Variants in AFDN observed in about 807,000 individuals in gnomAD.
The protein encoded by AFDN is afadin.
AFDN carries 68 observed loss-of-function variants against 216.6 expected under a neutral mutation model. That is an observed-to-expected ratio of 0.31 (90% confidence interval 0.26 to 0.38). The LOEUF (loss-of-function observed/expected upper bound fraction) is 0.38, where lower values mean the gene tolerates loss of function less well. Among genes scored for constraint, AFDN ranks in the 10% least tolerant of loss-of-function variants. The pLI is 1.00. For synonymous variants in AFDN, 868 were observed against 853.7 expected (o/e 1.02, Z -0.29); for missense variants, 2,136 against 2,342.0 (o/e 0.91, Z 1.82).
At chr6:167,939,785 G>GGGTGCTGTGTCTTAGAAGTATTTTT (rs1794462205) in intron 23 of AFDN, among the ~76,000 whole-genome samples, 1 of 152,182 alleles carries the variant, frequency 6.6e-6, no homozygotes, top group Non-Finnish European at 1.5e-5. Context: ...GCGGTGAGGA[G>GGGTGCTGTGTCTTAGAAGTATTTTT]GGTGCTGTGT....
chr6:167,892,159 TAGC>T (rs1787693098), intron 8 of AFDN, among the ~76,000 whole-genome samples: 1 of 152,204 alleles, frequency 6.6e-6, no homozygotes, highest in African/African-American at 2.4e-5. Context: ...CTTTAGGTAG[TAGC>T]TTTTATACCT....
At chr6:167,851,927 A>G (rs1562552466) in intron 1 of AFDN, among the ~76,000 whole-genome samples, 1 of 152,234 alleles carries the variant, frequency 6.6e-6, no homozygotes, top group Non-Finnish European at 1.5e-5. Flanking sequence ...TGGTAATTAT[A>G]ACTGAATTAT....
chr6:167,850,780 CATTTT>C (rs1782205611), intron 1 of AFDN, among the ~76,000 whole-genome samples: 1 of 152,150 alleles, frequency 6.6e-6, no homozygotes, highest in Non-Finnish European at 1.5e-5. Context: ...GACACCAAAA[CATTTT>C]ATAATTTTGT....
At chr6:167,889,349 A>G in intron 7 of AFDN, 23 bp downstream of exon 7, 2 of 1,493,794 alleles carry the variant, frequency 1.3e-6, no homozygotes, top group Non-Finnish European at 9.3e-7. Flanking sequence ...TTAAAGGATT[A>G]CTTACACCAG....
chr6:167,902,222 T>G, intron 11 of AFDN, 95 bp from the exon 12 acceptor site: 3 of 879,038 alleles, frequency 3.4e-6, no homozygotes, highest in Non-Finnish European at 5.4e-6. Context: ...ATCTTTGACA[T>G]TTGGTATTTT....
At chr6:167,954,670 C>T (rs1256664212) in intron 30 of AFDN, among the ~76,000 whole-genome samples, 1 of 152,100 alleles carries the variant, frequency 6.6e-6, no homozygotes. Flanking sequence ...GATTTAGTTA[C>T]TCTTTGCTTT....
chr6:167,915,313 G>A lies in AFDN; in HGVS notation c.2445G>A (p.Ser815=), dbSNP rs767533008. 10 of 1,614,102 alleles carry A rather than the reference G, an allele frequency of 6.2e-6. No homozygotes were observed. In the Admixed American group the frequency reaches 6.7e-5, roughly 11 times the overall value. Residue 815 remains serine, a synonymous_variant, in exon 19 of 34, where the codon TCG becomes TCA. Coordinates refer to ENST00000683244, the MANE Select transcript of AFDN (RefSeq NM_001386888.1). ...ATAGATTGGTGACCGACCCAGATTC[G>A]GGGCTGTGCTCCCATTACTGGGGTG... is the stretch of plus-strand genomic sequence containing the variant. ...LFNRLVTDPD[S]GLCSHYWGAI...
Position 167,889,221 on chromosome 6 carries a change from C to T in AFDN, c.904C>T (p.Leu302Phe), listed in dbSNP as rs937476722. 6.2e-7 allele frequency: 1 copy of T among 1,612,192 alleles called. No individual in the cohort carries two copies. The highest frequency in any genetic ancestry group is 8.5e-7 in the Non-Finnish European group (1 of 1,178,936). Residue 302 changes from leucine (L) to phenylalanine (F), a missense_variant, in exon 7 of 34, where the codon CTT becomes TTT. By Grantham distance (22) the Leu-to-Phe change is conservative. Around this residue, in one of 8 missense-constraint regions of AFDN, gnomAD observed 817 missense variants for 965.7 expected, o/e 0.85. Coordinates refer to ENST00000683244, the MANE Select transcript of AFDN (RefSeq NM_001386888.1). ...PKDYCIARVMLPPGAQHSDEK... is the reference protein window; with the variant it reads ...PKDYCIARVMFPPGAQHSDEK... ...ATTATTTTTGTTTTTTTAGGTTATGCTTCCTCCTGGAGCCCAGCATTCTGA... is the reference window on the plus strand; with the variant it reads ...ATTATTTTTGTTTTTTTAGGTTATGTTTCCTCCTGGAGCCCAGCATTCTGA...
At chr6:167,914,538 A>G in intron 17 of AFDN, 106 bp from the exon 18 acceptor site, 1 of 924,838 alleles carries the variant, frequency 1.1e-6, no homozygotes, top group South Asian at 1.7e-5. Flanking sequence ...TTTTTTTTTT[A>G]ATGGAAAATA....
chr6:167,913,446 A>T, intron 16 of AFDN, 23 bp downstream of exon 16: 2 of 1,535,146 alleles, frequency 1.3e-6, no homozygotes, highest in Non-Finnish European at 1.7e-6. Context: ...CTGGGAGCTG[A>T]TCCTAGCTGT....
At chr6:167,867,418 C>G (rs566220578) in intron 2 of AFDN, among the ~76,000 whole-genome samples, 22 of 148,464 alleles carry the variant, frequency 1.5e-4, no homozygotes, top group Non-Finnish European at 3.0e-4. Flanking sequence ...CGGACTAATT[C>G]TTTTTTTTCT....
chr6:167,899,222 CT>C (rs1452980387), intron 11 of AFDN, among the ~76,000 whole-genome samples: 1 of 152,004 alleles, frequency 6.6e-6, no homozygotes, highest in Non-Finnish European at 1.5e-5. Flanking sequence ...GAATTAATGT[CT>C]TTCTCCAAGA....
chr6:167,952,837 G>A (rs894582649), intron 30 of AFDN, among the ~76,000 whole-genome samples: 1 of 152,154 alleles, frequency 6.6e-6, no homozygotes, highest in African/African-American at 2.4e-5. Flanking sequence ...CATTTGTTAA[G>A]GTAATAAACA....
intron 31 of AFDN, chr6:167,964,367 C>T (rs1350439123): frequency 9.4e-7 from 1 of 1,064,458 alleles, no homozygotes; most frequent in East Asian, 5.0e-5. Context: ...AACTGTTCTT[C>T]ATGTTAATAC....
chr6:167,897,676 C>G (rs997440039), intron 10 of AFDN, among the ~76,000 whole-genome samples: 34 of 105,488 alleles, frequency 3.2e-4, no homozygotes, highest in African/African-American at 1.3e-3. Context: ...TTGAGACAGT[C>G]TTACTCTGTC....
intron 1 of AFDN, among the ~76,000 whole-genome samples, chr6:167,836,939 A>C (rs986488620): frequency 2.6e-5 from 4 of 152,204 alleles, no homozygotes; most frequent in East Asian, 1.9e-4. Context: ...TTTTTACTGA[A>C]TTTAATGTTT....
At chr6:167,952,705 T>A (rs1350588944) in intron 30 of AFDN, among the ~76,000 whole-genome samples, 4 of 150,850 alleles carry the variant, frequency 2.7e-5, no homozygotes, top group Non-Finnish European at 4.5e-5. Context: ...CAGATGACTG[T>A]CTGGCCCCTG....
In AFDN at chr6:167,829,342, T is replaced by C. The variant is rs543206540; in HGVS notation, c.105+2105T>C. On this transcript the variant is annotated intron_variant, in intron 1 of 33. Transcript: ENST00000683244. ...TAGTTAAGCTTTGCATTTAACATAT[T>C]GTATCTTTTATTATGATGTAGGTAA... 1.3e-4 allele frequency among the ~76,000 whole-genome samples: 20 copies of C among 152,306 alleles called. 1 individual carries two copies. In the East Asian group the frequency reaches 3.5e-3, roughly 26 times the overall value.
chr6:167,966,084 G>C, intron 32 of AFDN, 39 bp downstream of exon 32: 1 of 1,538,028 alleles, frequency 6.5e-7, no homozygotes, highest in African/African-American at 1.4e-5. Flanking sequence ...GTCTCATGGG[G>C]ACCTTCTTCC....
Sources: gnomAD v4.1 joint callset for allele counts (sites outside exome capture counted in the v4.1 genomes callset) on GRCh38, gnomAD v4.1.1 for gene constraint, gnomAD v4.1.1 regional missense constraint, MANE v1.5 for transcripts, NCBI Gene and HGNC (gene_info 2026-07-23, HGNC 2026-07-21) for gene names.